ATXN2: variants seen among roughly 807,000 people sequenced by gnomAD.
The protein encoded by ATXN2 is ataxin-2.
A neutral mutation model predicts 138.6 loss-of-function variants in ATXN2; 37 were observed. The observed-to-expected ratio is 0.27, with a 90% CI of 0.21 to 0.35. The LOEUF (loss-of-function observed/expected upper bound fraction) is 0.35. Among genes scored for constraint, ATXN2 ranks in the 10% least tolerant of loss-of-function variants. The probability of loss-of-function intolerance (pLI) is 1.00; values close to 1 mark genes in which losing one functional copy is unlikely to be tolerated. For synonymous variants in ATXN2, 549 were observed against 543.7 expected (o/e 1.01, Z -0.13); for missense variants, 1,216 against 1,480.3 (o/e 0.82, Z 2.93).
intron 14 of ATXN2, among the ~76,000 whole-genome samples, chr12:111,502,427 C>CT (rs914572036): frequency 1.1e-4 from 16 of 151,242 alleles, no homozygotes; most frequent in African/African-American, 2.9e-4. Context: ...AACTTAAGTT[C>CT]TTTTTTTTTC....
At chr12:111,558,078 C>T in intron 1 of ATXN2, among the ~76,000 whole-genome samples, 1 of 152,064 alleles carries the variant, frequency 6.6e-6, no homozygotes, top group East Asian at 1.9e-4. Flanking sequence ...GGAGTTTACT[C>T]AAAAGAACGA....
chr12:111,453,994 T>A lies in ATXN2; in HGVS notation c.3271-149A>T. 2.7e-6 allele frequency: 2 copies of A among 742,074 alleles called. No individual in the cohort carries two copies. Among genetic ancestry groups the A allele is most frequent in the Non-Finnish European group, 4.3e-6 (2 of 469,598 alleles). The allele number at this position is 742,074 out of a possible 1,614,324, so 46.0% of individuals were successfully genotyped here. On this transcript the variant is annotated intron_variant, in intron 23 of 24. Coordinates refer to ENST00000673436, the MANE Select transcript of ATXN2 (RefSeq NM_001372574.1). The surrounding 1 kb of genome is among the most constrained non-coding windows in gnomAD (Gnocchi z 5.4). The stretch of plus-strand genomic sequence containing the variant: ...TCTGTTCTCTGGGGACAATCTCTAG[T>A]AGATTATCTATTGACCTGAAGACGC...
chr12:111,587,577 G>A lies in ATXN2; in HGVS notation c.251+11207C>T, dbSNP rs555796577. Among the ~76,000 whole-genome samples, 4 of 151,970 alleles carry A rather than the reference G, an allele frequency of 2.6e-5. No individual in the cohort carries two copies. The South Asian group carries it at 8.3e-4, about 32-fold the overall frequency. On this transcript the variant is annotated intron_variant, in intron 1 of 24. Transcript: ENST00000673436. ...AGACTGAGGTAGGAGGACTGCTTGAGCCCAGGATGTTGAGGCTGCAGTGAG... is the reference window on the plus strand; with the variant it reads ...AGACTGAGGTAGGAGGACTGCTTGAACCCAGGATGTTGAGGCTGCAGTGAG...
chr12:111,567,836 T>C (rs1883099194), intron 1 of ATXN2, among the ~76,000 whole-genome samples: 1 of 152,140 alleles, frequency 6.6e-6, no homozygotes. Context: ...CATTTTCGTA[T>C]GTTTGTCTGT....
intron 18 of ATXN2, among the ~76,000 whole-genome samples, chr12:111,484,465 C>A (rs1010142093): frequency 6.6e-6 from 1 of 152,094 alleles, no homozygotes; most frequent in Non-Finnish European, 1.5e-5. Flanking sequence ...TGGAGTCTCA[C>A]TCTGTTGCCC....
intron 1 of ATXN2, among the ~76,000 whole-genome samples, chr12:111,593,845 A>G (rs1021658110): frequency 2.0e-5 from 3 of 152,222 alleles, no homozygotes; most frequent in Non-Finnish European, 4.4e-5. Context: ...GGTTAGTATC[A>G]ATGTGCACAT....
At position 111,513,376 on chromosome 12, in the gene ATXN2, C is replaced by A; in HGVS notation, c.1539G>T (p.Trp513Cys). 1 of 1,613,486 alleles carries A rather than the reference C, an allele frequency of 6.2e-7. No individual in the cohort carries two copies. The highest frequency in any genetic ancestry group is 8.5e-7 in the Non-Finnish European group (1 of 1,179,954). Residue 513 changes from tryptophan (W) to cysteine (C), a missense_variant, in exon 11 of 25, where the codon TGG becomes TGT. By Grantham distance (215) the Trp-to-Cys change is radical (BLOSUM62 -2). Around this residue, in one of 4 missense-constraint regions of ATXN2, gnomAD observed 215 missense variants for 210.0 expected, o/e 1.02. Coordinates refer to ENST00000673436, the MANE Select transcript of ATXN2 (RefSeq NM_001372574.1). ...VARTSPSGGT[W>C]SSVVSGVPRL... ...ACCTACCCCCACTGACCACTGATGA[C>A]CACGTTCCCCCCGAGGGACTGGTCC...
intron 18 of ATXN2, 110 bp downstream of exon 18, chr12:111,485,155 C>A: frequency 1.0e-6 from 1 of 964,340 alleles, no homozygotes. Context: ...CAATGCATAG[C>A]CTCATCAAAA....
At chr12:111,493,354 A>C (rs917111884) in intron 14 of ATXN2, among the ~76,000 whole-genome samples, 1 of 134,582 alleles carries the variant, frequency 7.4e-6, no homozygotes, top group African/African-American at 2.8e-5. Context: ...TGGGAGTTGG[A>C]GGTTGTAGTG....
chr12:111,452,993 T>C, intron 24 of ATXN2, 153 bp from the exon 25 acceptor site: 1 of 89,274 alleles, frequency 1.1e-5, no homozygotes, highest in Non-Finnish European at 1.9e-5. Context: ...TGCACCAAAG[T>C]GGGGAGGGTT....
chr12:111,590,547 TCA>T (rs1884601223), intron 1 of ATXN2, among the ~76,000 whole-genome samples: 1 of 151,998 alleles, frequency 6.6e-6, no homozygotes, highest in African/African-American at 2.4e-5. Flanking sequence ...TAGCTGGGCA[TCA>T]CAGTGTGCGC....
intron 6 of ATXN2, among the ~76,000 whole-genome samples, chr12:111,523,908 A>G (rs994633677): frequency 6.8e-6 from 1 of 147,094 alleles, no homozygotes; most frequent in Non-Finnish European, 1.5e-5. Context: ...GCAGAAAAAG[A>G]AAAAAAAAAA....
intron 14 of ATXN2, among the ~76,000 whole-genome samples, chr12:111,506,191 G>A (rs1338355173): frequency 1.3e-5 from 2 of 152,172 alleles, no homozygotes; most frequent in African/African-American, 4.8e-5. Context: ...GCTTAGGGTT[G>A]GGAGTAGGGG....
chr12:111,503,606 CTTTT>C (rs762044760), intron 14 of ATXN2, among the ~76,000 whole-genome samples: 38 of 149,502 alleles, frequency 2.5e-4, no homozygotes, highest in Non-Finnish European at 4.5e-4. Context: ...TTTCCACTCT[CTTTT>C]TTTTTCTTTG....
intron 10 of ATXN2, among the ~76,000 whole-genome samples, chr12:111,514,835 G>A (rs1243519031): frequency 2.6e-5 from 4 of 152,128 alleles, no homozygotes; most frequent in African/African-American, 9.7e-5. Flanking sequence ...GAATGCTAAT[G>A]TTATACACTA....
chr12:111,504,672 A>T (rs969737244), intron 14 of ATXN2, among the ~76,000 whole-genome samples: 8 of 152,186 alleles, frequency 5.3e-5, no homozygotes, highest in African/African-American at 1.9e-4. Flanking sequence ...TACACAGTAA[A>T]AATGGTTATA....
intron 18 of ATXN2, among the ~76,000 whole-genome samples, chr12:111,474,491 GT>G (rs1876654538): frequency 6.6e-6 from 1 of 152,186 alleles, no homozygotes; most frequent in Non-Finnish European, 1.5e-5. Context: ...TGTAGTCACA[GT>G]TACTTGAGAG....
chr12:111,549,173 C>A (rs942950769), intron 5 of ATXN2, among the ~76,000 whole-genome samples: 33 of 152,148 alleles, frequency 2.2e-4, no homozygotes, highest in African/African-American at 8.0e-4. Context: ...TTTAAAAACT[C>A]CCCAGGTGAC....
chr12:111,465,096 T>G (rs1295749496), intron 20 of ATXN2, among the ~76,000 whole-genome samples: 1 of 152,340 alleles, frequency 6.6e-6, no homozygotes, highest in South Asian at 2.1e-4. Flanking sequence ...AATGGAAATG[T>G]CATTATCCTG....
Sources: gnomAD v4.1 joint callset for allele counts (sites outside exome capture counted in the v4.1 genomes callset) on GRCh38, gnomAD v4.1.1 for gene constraint, gnomAD v4.1.1 regional missense constraint, Gnocchi (gnomAD v3.1) non-coding constraint, MANE v1.5 for transcripts, NCBI Gene and HGNC (gene_info 2026-07-23, HGNC 2026-07-21) for gene names.